LRIG2: variants seen among roughly 807,000 people sequenced by gnomAD.
LRIG2 encodes the protein leucine-rich repeats and immunoglobulin-like domains protein 2.
In LRIG2, 93 loss-of-function variants were observed where a neutral mutation model predicts 107.8. That is an observed-to-expected ratio of 0.86 (90% CI 0.73 to 1.03). LRIG2 has a LOEUF of 1.03. Among genes scored for constraint, LRIG2 ranks in the 50% least tolerant of loss-of-function variants. The pLI is 0.00. For synonymous variants in LRIG2, 471 were observed against 470.6 expected (o/e 1.00, Z -0.01); for missense variants, 1,226 against 1,296.0 (o/e 0.95, Z 0.83).
At chr1:113,098,253 C>T (rs1401997020) in intron 8 of LRIG2, among the ~76,000 whole-genome samples, 4 of 152,164 alleles carry the variant, frequency 2.6e-5, no homozygotes, top group Non-Finnish European at 4.4e-5. Context: ...TGATATTACT[C>T]TCTGTCAGCC....
rs990123153 is a variant in LRIG2, at chr1:113,127,749, G to C, written c.*3648G>C. On this transcript the variant is annotated 3_prime_UTR_variant, in exon 18 of 18. Coordinates refer to ENST00000361127, the MANE Select transcript of LRIG2 (RefSeq NM_014813.3). ...CCGGCTAATTTTATTTGTATTTTTA[G>C]TAGAGACGGGGTTTCTCCATGTTGG... The C allele has an allele frequency of 6.6e-6, 1 of 151,300 alleles. No individual in the cohort carries two copies. The highest frequency in any genetic ancestry group is 1.5e-5 in the Non-Finnish European group (1 of 67,910). The allele number at this position is 151,300 out of a possible 1,614,324, so 9.4% of individuals were successfully genotyped here. A position where few individuals can be genotyped will look rare whatever the true frequency, so the allele number is the denominator to read the frequency against.
chr1:113,121,091 C>T (rs935647335), intron 17 of LRIG2, among the ~76,000 whole-genome samples: 9 of 152,188 alleles, frequency 5.9e-5, no homozygotes, highest in Non-Finnish European at 1.0e-4. Context: ...GCTGGGATTA[C>T]AGGCGTGAGC....
chr1:113,086,562 T>A (rs1653563921), intron 1 of LRIG2, among the ~76,000 whole-genome samples: 1 of 152,210 alleles, frequency 6.6e-6, no homozygotes, highest in Non-Finnish European at 1.5e-5. Context: ...TGTGTGACTG[T>A]GCGAAGAAAA....
intron 4 of LRIG2, among the ~76,000 whole-genome samples, chr1:113,094,056 G>T (rs879793687): frequency 7.9e-5 from 12 of 152,002 alleles, no homozygotes; most frequent in Non-Finnish European, 1.2e-4. Context: ...ATAGAGATTT[G>T]TTAAACAATG....
intron 1 of LRIG2, among the ~76,000 whole-genome samples, chr1:113,081,252 C>A (rs763430242): frequency 6.6e-6 from 1 of 152,036 alleles, no homozygotes; most frequent in Non-Finnish European, 1.5e-5. Flanking sequence ...CATTTTTTCC[C>A]TTATCTTTGT....
intron 15 of LRIG2, among the ~76,000 whole-genome samples, chr1:113,115,934 A>T (rs1183986563): frequency 6.6e-6 from 1 of 152,212 alleles, no homozygotes; most frequent in Non-Finnish European, 1.5e-5. Flanking sequence ...GATTGAGATC[A>T]GTCTCTTTTT....
At position 113,093,472 on chromosome 1, in the gene LRIG2, GT is replaced by G. The variant is rs1303956115; in HGVS notation, c.427del (p.Tyr143ThrfsTer7). The part of the protein sequence containing the change: ...IPEINAQALQ[F>X]YPALESLDLS... ...CAGAAATAAATGCACAGGCACTCCA[GT>G]TTTACCCTGCTCTGGAGAGTTTAGA... On this transcript the variant is annotated frameshift_variant, in exon 4 of 18. Transcript: ENST00000361127. LOFTEE classifies it high-confidence loss of function. 4 of 1,613,614 alleles carry G rather than the reference GT, an allele frequency of 2.5e-6. No individual in the cohort carries two copies. Among genetic ancestry groups the G allele is most frequent in the Non-Finnish European group, 3.4e-6 (4 of 1,179,618 alleles).
intron 9 of LRIG2, among the ~76,000 whole-genome samples, chr1:113,099,603 C>T (rs1325709298): frequency 1.3e-5 from 2 of 151,926 alleles, no homozygotes; most frequent in Non-Finnish European, 2.9e-5. Context: ...AAAAAGCATT[C>T]CTGTGGACAC....
In LRIG2 at chr1:113,129,529, TAAAC is replaced by T. The variant is rs1655625538; in HGVS notation, c.*5430_*5433del. The T allele has an allele frequency of 1.3e-5, 2 of 148,530 alleles. No homozygotes were observed. The highest frequency in any genetic ancestry group is 2.5e-5 in the African/African-American group (1 of 40,318). 9.2% of individuals were successfully genotyped at this position (148,530 alleles called of 1,614,324 possible). A position where few individuals can be genotyped will look rare whatever the true frequency, so the allele number is the denominator to read the frequency against. On this transcript the variant is annotated 3_prime_UTR_variant, in exon 18 of 18. Transcript: ENST00000361127. ...GAAGAGCCTATCTCTGGTCTTTAAA[TAAAC>T]ACACACACACACACACACCCCTAGG...
At chr1:113,079,746 T>TA (rs1405037454) in intron 1 of LRIG2, among the ~76,000 whole-genome samples, 1 of 149,984 alleles carries the variant, frequency 6.7e-6, no homozygotes, top group Non-Finnish European at 1.5e-5. Context: ...AAATCTTTTT[T>TA]TTTTTTTTTT....
intron 6 of LRIG2, 97 bp downstream of exon 6, chr1:113,094,852 A>ACATT: frequency 8.7e-7 from 1 of 1,150,296 alleles, no homozygotes; most frequent in Non-Finnish European, 1.2e-6. Context: ...TTATAGAGAT[A>ACATT]CATTCATTCA....
chr1:113,081,530 G>T (rs923669534), intron 1 of LRIG2, among the ~76,000 whole-genome samples: 1 of 151,990 alleles, frequency 6.6e-6, no homozygotes, highest in African/African-American at 2.4e-5. Context: ...TCACCATATT[G>T]GCCAGGATAG....
intron 8 of LRIG2, 74 bp downstream of exon 8, chr1:113,096,439 A>C (rs1557906070): frequency 1.4e-6 from 2 of 1,470,158 alleles, no homozygotes; most frequent in Non-Finnish European, 1.9e-6. Flanking sequence ...TAATTAAAAC[A>C]ACTAATCAGT....
At chr1:113,117,834 G>A (rs952287994) in intron 16 of LRIG2, among the ~76,000 whole-genome samples, 1 of 151,982 alleles carries the variant, frequency 6.6e-6, no homozygotes, top group East Asian at 1.9e-4. Context: ...GAAGTATGTG[G>A]GAAATAACAC....
chr1:113,094,476 A>G lies in LRIG2; in HGVS notation c.653A>G (p.Gln218Arg). The G allele has an allele frequency of 6.2e-7, 1 of 1,607,120 alleles. No homozygotes were observed. Among genetic ancestry groups the G allele is most frequent in the Non-Finnish European group, 8.5e-7 (1 of 1,178,530 alleles). ...PPKIFKLPHL[Q>R]FLELKRNRIK... ...AAGATCTTCAAGCTGCCTCACCTCC[A>G]ATTCTTGTGAGTAACGAAATAGACG... The change falls in exon 5 of 18, where the codon CAA (glutamine) becomes CGA (arginine). Residue 218 changes from glutamine (Q) to arginine (R), a missense_variant. Transcript: ENST00000361127.
At chr1:113,113,931 T>G (rs1654886419) in intron 14 of LRIG2, among the ~76,000 whole-genome samples, 1 of 152,196 alleles carries the variant, frequency 6.6e-6, no homozygotes, top group South Asian at 2.1e-4. Context: ...GACTTTCCCC[T>G]CTCACTTTTA....
intron 4 of LRIG2, 114 bp downstream of exon 4, chr1:113,093,678 A>T (rs1653925669): frequency 1.7e-6 from 1 of 578,070 alleles, no homozygotes; most frequent in Non-Finnish European, 3.0e-6. Context: ...ATGCTAGATG[A>T]CGAGTTAGTG....
Position 113,119,124 on chromosome 1 carries a change from T to G in LRIG2, c.2681-109T>G, listed in dbSNP as rs1460368072. The G allele has an allele frequency of 4.2e-6, 4 of 953,318 alleles. No individual in the cohort carries two copies. The East Asian group carries it at 7.4e-5, about 18-fold the overall frequency. The allele number at this position is 953,318 out of a possible 1,614,324, so 59.1% of individuals were successfully genotyped here. A position where few individuals can be genotyped will look rare whatever the true frequency, so the allele number is the denominator to read the frequency against. Reference sequence around the variant, plus strand: ...AACTTCACCTACTTTATAAAGTAAGTGCTCAATACATGCTAGCAATGATGA... The same window carrying G: ...AACTTCACCTACTTTATAAAGTAAGGGCTCAATACATGCTAGCAATGATGA... On this transcript the variant is annotated intron_variant, in intron 16 of 17. Coordinates refer to ENST00000361127, the MANE Select transcript of LRIG2 (RefSeq NM_014813.3).
rs1392999002 is a variant in LRIG2, at chr1:113,112,664, A to G, written c.1984A>G (p.Ile662Val). The G allele has an allele frequency of 1.2e-6, 2 of 1,614,028 alleles. No homozygotes were observed. Among genetic ancestry groups the G allele is most frequent in the South Asian group, 1.1e-5 (1 of 91,078 alleles). ...CATGCCCGAGGATGACGTCTTCTTT[A>G]TTGCCAATGTGAAAATAGAAGATAT... ...HVMPEDDVFF[I>V]ANVKIEDMGI... Residue 662 changes from isoleucine (I) to valine (V), a missense_variant, in exon 14 of 18, where the codon ATT becomes GTT. Ile to Val is a conservative substitution (Grantham distance 29, BLOSUM62 3). Transcript: ENST00000361127.
Sources: gnomAD v4.1 joint callset for allele counts (sites outside exome capture counted in the v4.1 genomes callset) on GRCh38, gnomAD v4.1.1 for gene constraint, MANE v1.5 for transcripts, NCBI Gene and HGNC (gene_info 2026-07-23, HGNC 2026-07-21) for gene names.